DMD: variants seen among roughly 807,000 people sequenced by gnomAD.
DMD encodes dystrophin, also known as mutant dystrophin.
In DMD, 63 loss-of-function variants were observed where a neutral mutation model predicts 330.1. The observed-to-expected ratio is 0.19, with a 90% CI of 0.16 to 0.24. The LOEUF (loss-of-function observed/expected upper bound fraction) is 0.24. Among genes scored for constraint, DMD ranks in the 10% least tolerant of loss-of-function variants. The pLI, the probability that DMD is intolerant of heterozygous loss-of-function variation, is 1.00. For synonymous variants in DMD, 1,223 were observed against 959.8 expected (o/e 1.27, Z -5.07); for missense variants, 3,344 against 2,684.1 (o/e 1.25, Z -5.43).
chrX:31,782,765 G>C (rs1269235185), intron 50 of DMD, among the ~76,000 whole-genome samples: 1 of 111,421 alleles, frequency 9.0e-6, no homozygotes, highest in Non-Finnish European at 1.9e-5. Flanking sequence ...TGCTTATCCA[G>C]CAGAGAGAAC....
chrX:32,814,220 G>T (rs188367448), intron 6 of DMD, among the ~76,000 whole-genome samples: 38 of 112,341 alleles, frequency 3.4e-4, no homozygotes, highest in African/African-American at 1.1e-3. Context: ...TATAGTTATT[G>T]TAATTTTATC....
At chrX:32,576,380 A>G (rs188760294) in intron 13 of DMD, among the ~76,000 whole-genome samples, 28 of 111,037 alleles carry the variant, frequency 2.5e-4, no homozygotes, top group African/African-American at 8.5e-4. Context: ...TTTCTTTGGC[A>G]TATTTGAACT....
chrX:32,649,013 T>A (rs1449542186), intron 9 of DMD, among the ~76,000 whole-genome samples: 1 of 111,674 alleles, frequency 9.0e-6, no homozygotes, highest in East Asian at 2.8e-4. Flanking sequence ...GCTTCAATCC[T>A]ATTTTGTCTT....
In DMD at chrX:32,714,418, T is replaced by C. The variant is rs188895554; in HGVS notation, c.650-15125A>G. On this transcript the variant is annotated intron_variant, in intron 7 of 78. Transcript: ENST00000357033. ...AGTTACCACTTATAGGAAAATACAG[T>C]ATTTGATTTTCTGTTTCTGACTTAT... 8.1e-5 allele frequency among the ~76,000 whole-genome samples: 9 copies of C among 111,568 alleles called. No individual in the cohort carries two copies. In the East Asian group the frequency reaches 2.5e-3, roughly 32 times the overall value.
chrX:32,800,479 T>C (rs1310956577), intron 7 of DMD, among the ~76,000 whole-genome samples: 1 of 112,015 alleles, frequency 8.9e-6, no homozygotes, highest in Non-Finnish European at 1.9e-5. Flanking sequence ...CCTAACACAA[T>C]GGCAAGAATT....
At chrX:32,489,020 C>A (rs987172738) in intron 20 of DMD, among the ~76,000 whole-genome samples, 1 of 111,448 alleles carries the variant, frequency 9.0e-6, no homozygotes, top group Non-Finnish European at 1.9e-5. Context: ...AAGGAAGATG[C>A]CCTTGGTGGC....
chrX:32,828,402 GTTA>G (rs1273329000), intron 4 of DMD, among the ~76,000 whole-genome samples: 2 of 109,368 alleles, frequency 1.8e-5, no homozygotes, highest in Admixed American at 2.0e-4. Flanking sequence ...TGCTTCTACT[GTTA>G]TTATAACAAT....
At position 32,932,230 on chromosome X, in the gene DMD, G is replaced by A. The variant is rs563918768; in HGVS notation, c.94-82410C>T. On this transcript the variant is annotated intron_variant, in intron 2 of 78. Transcript: ENST00000357033. ...AAGGAATTGTATTTTGTAAGGTGGG[G>A]TCACAAATCCTTTCCTGTTTCAAAC... Among the ~76,000 whole-genome samples the A allele has an allele frequency of 1.2e-3, 138 of 112,205 alleles. 1 individual carries two copies. The highest frequency in any genetic ancestry group is 4.0e-3 in the African/African-American group (125 of 30,963).
At chrX:32,634,103 C>G (rs1321096101) in intron 11 of DMD, among the ~76,000 whole-genome samples, 2 of 111,812 alleles carry the variant, frequency 1.8e-5, no homozygotes, top group Non-Finnish European at 3.8e-5. Context: ...CTTCTCTCCC[C>G]TTTCCACAAA....
At chrX:33,048,866 T>C (rs1424121856) in intron 1 of DMD, among the ~76,000 whole-genome samples, 2 of 110,447 alleles carry the variant, frequency 1.8e-5, no homozygotes, top group Non-Finnish European at 3.8e-5. Context: ...GCAGAATGTG[T>C]AATTAGGATG....
At chrX:31,492,114 C>T (rs1167241595) in intron 57 of DMD, among the ~76,000 whole-genome samples, 1 of 111,876 alleles carries the variant, frequency 8.9e-6, no homozygotes, top group Non-Finnish European at 1.9e-5. Context: ...CATCTTGATA[C>T]CAAGGATTCT....
At chrX:32,475,045 T>C (rs2041084605) in intron 21 of DMD, among the ~76,000 whole-genome samples, 1 of 111,361 alleles carries the variant, frequency 9.0e-6, no homozygotes, top group African/African-American at 3.3e-5. Flanking sequence ...ATGTGAGAGA[T>C]GAGGAGCCAA....
rs10652780 is a variant in DMD at position 32,292,302 on chromosome X, CT to C, written c.6118-4602del. On this transcript the variant is annotated intron_variant, in intron 42 of 78. Transcript: ENST00000357033. ...AACAAATATCAACAAAGGGAATATT[CT>C]TTTTTTTTTTTTTTTGAGATGGAGT... Among the ~76,000 whole-genome samples the C allele has an allele frequency of 7.5e-3, 470 of 62,904 alleles. 24 individuals carry two copies. Among genetic ancestry groups the C allele is most frequent in the African/African-American group, 0.029 (412 of 14,269 alleles). The allele number at this position is 62,904 out of a possible 115,157, so 54.6% of individuals were successfully genotyped here. A position where few individuals can be genotyped will look rare whatever the true frequency, so the allele number is the denominator to read the frequency against.
intron 61 of DMD, among the ~76,000 whole-genome samples, chrX:31,342,518 C>T (rs2057831603): frequency 9.0e-6 from 1 of 111,293 alleles, no homozygotes; most frequent in African/African-American, 3.3e-5. Flanking sequence ...AGTGTTTTTC[C>T]AATCTTATTA....
intron 2 of DMD, among the ~76,000 whole-genome samples, chrX:32,998,612 T>C (rs1184561259): frequency 1.0e-5 from 1 of 98,512 alleles, no homozygotes; most frequent in African/African-American, 3.5e-5. Context: ...TATATATATA[T>C]ATACACACAC....
chrX:31,965,595 G>A (rs1219161166), intron 45 of DMD, among the ~76,000 whole-genome samples: 1 of 111,466 alleles, frequency 9.0e-6, no homozygotes, highest in Non-Finnish European at 1.9e-5. Context: ...CCAGTGAAGA[G>A]CATGGCGCCC....
chrX:33,325,112 A>G (rs1368331298), intron 1 of DMD, among the ~76,000 whole-genome samples: 4 of 112,081 alleles, frequency 3.6e-5, no homozygotes, highest in African/African-American at 1.3e-4. Context: ...AATGTATACA[A>G]TTGGATTCTG....
intron 7 of DMD, among the ~76,000 whole-genome samples, chrX:32,781,082 C>G (rs1175012804): frequency 9.6e-6 from 1 of 104,465 alleles, no homozygotes; most frequent in Non-Finnish European, 2.0e-5. Context: ...CGCGCCACTG[C>G]ACTCCAGCCT....
intron 52 of DMD, among the ~76,000 whole-genome samples, chrX:31,698,686 G>C (rs2148851908): frequency 8.9e-6 from 1 of 112,199 alleles, no homozygotes; most frequent in East Asian, 2.8e-4. Flanking sequence ...TAACCATGTA[G>C]CTAGTATGAA....
Sources: allele counts gnomAD v4.1 joint callset (sites outside exome capture counted in the v4.1 genomes callset), GRCh38; gene constraint gnomAD v4.1.1; transcripts MANE v1.5; gene names NCBI Gene and HGNC (gene_info 2026-07-23, HGNC 2026-07-21).